Variants in DRAM1 observed in about 807,000 individuals in gnomAD.
The protein encoded by DRAM1 is DNA damage-regulated autophagy modulator protein 1.
In DRAM1, 25 loss-of-function variants were observed where a neutral mutation model predicts 28.5. That is an observed-to-expected ratio of 0.88 (90% CI 0.64 to 1.23). The LOEUF is 1.23. Among genes scored for constraint, DRAM1 ranks in the 50% most tolerant of loss-of-function variants. The pLI, the probability that DRAM1 is intolerant of heterozygous loss-of-function variation, is 0.00. For missense variants in DRAM1, 249 were observed against 299.2 expected (o/e 0.83, Z 1.24); for synonymous variants, 113 against 114.2 (o/e 0.99, Z 0.07).
At chr12:101,882,107 A>ATTTTTTTTTTTTTT (rs78402038) in intron 1 of DRAM1, among the ~76,000 whole-genome samples, 9 of 129,532 alleles carry the variant, frequency 6.9e-5, no homozygotes, top group Non-Finnish European at 8.4e-5. Context: ...TGATGGTCTA[A>ATTTTTTTTTTTTTT]TTTTTTTTTT....
intron 1 of DRAM1, among the ~76,000 whole-genome samples, chr12:101,886,666 G>A (rs1195402662): frequency 6.6e-6 from 1 of 152,090 alleles, no homozygotes; most frequent in Non-Finnish European, 1.5e-5. Flanking sequence ...CTCCTGTGAG[G>A]GCCACTCTGT....
At chr12:101,904,426 GGTTTTTTTTTTTTTTTT>G (rs1339169898) in intron 3 of DRAM1, among the ~76,000 whole-genome samples, 756 of 39,096 alleles carry the variant, frequency 0.019, 47 homozygotes, top group African/African-American at 0.073. Context: ...GAGCTTTAGG[GGTTTTTTTTTTTTTTTT>G]TTTTTTTTTT....
In DRAM1 at chr12:101,906,780, G is replaced by A. The variant is rs138992898; in HGVS notation, c.343-1406G>A. Among the ~76,000 whole-genome samples the A allele has an allele frequency of 1.2e-3, 179 of 151,228 alleles. No homozygotes were observed. In the East Asian group the frequency reaches 0.025, roughly 21 times the overall value. On this transcript the variant is annotated intron_variant, in intron 3 of 6. Coordinates refer to ENST00000258534, the MANE Select transcript of DRAM1 (RefSeq NM_018370.3). The stretch of plus-strand genomic sequence containing the variant: ...TGGGGCATGAGAATCGCTTGAACCC[G>A]GCAGGTGGAGGTTGCAATGAGCTGA...
chr12:101,911,522 C>G (rs1874040043), intron 4 of DRAM1, among the ~76,000 whole-genome samples: 1 of 152,184 alleles, frequency 6.6e-6, no homozygotes, highest in African/African-American at 2.4e-5. Flanking sequence ...GGGCTTCTCC[C>G]TCAGGCTTGG....
chr12:101,888,275 G>A (rs965808332), intron 1 of DRAM1, among the ~76,000 whole-genome samples: 3 of 151,494 alleles, frequency 2.0e-5, no homozygotes, highest in African/African-American at 7.3e-5. Context: ...GATTACAGGC[G>A]TCCGCCACCA....
intron 2 of DRAM1, among the ~76,000 whole-genome samples, chr12:101,899,576 G>T (rs915502701): frequency 6.6e-6 from 1 of 151,550 alleles, no homozygotes; most frequent in East Asian, 1.9e-4. Flanking sequence ...CTACTTGGAA[G>T]GATAAAGTGG....
intron 4 of DRAM1, among the ~76,000 whole-genome samples, chr12:101,909,993 T>G (rs532547278): frequency 6.6e-6 from 1 of 152,300 alleles, no homozygotes; most frequent in African/African-American, 2.4e-5. Flanking sequence ...CGGTATAAAG[T>G]GGGCAAGATG....
In DRAM1 at chr12:101,918,568, C is replaced by T. The variant is rs116174949; in HGVS notation, c.580-1541C>T. On this transcript the variant is annotated intron_variant, in intron 5 of 6. Coordinates refer to ENST00000258534, the MANE Select transcript of DRAM1 (RefSeq NM_018370.3). ...ACGCTCGGAGGGCTTGGTGTGCCTCCACTCGATCTGTCTGGATGAAAACAG... is the reference window on the plus strand; with the variant it reads ...ACGCTCGGAGGGCTTGGTGTGCCTCTACTCGATCTGTCTGGATGAAAACAG... Among the ~76,000 whole-genome samples the T allele has an allele frequency of 4.1e-3, 617 of 152,298 alleles. 4 individuals are homozygous for T. Among genetic ancestry groups the T allele is most frequent in the African/African-American group, 0.014 (587 of 41,564 alleles).
intron 2 of DRAM1, among the ~76,000 whole-genome samples, chr12:101,898,719 C>CT (rs1873481928): frequency 6.6e-6 from 1 of 152,202 alleles, no homozygotes; most frequent in Non-Finnish European, 1.5e-5. Flanking sequence ...AACAAGCACT[C>CT]TAGGGGACTT....
intron 3 of DRAM1, among the ~76,000 whole-genome samples, 157 bp from the exon 4 acceptor site, chr12:101,908,029 T>C (rs1353205345): frequency 6.6e-6 from 1 of 152,168 alleles, no homozygotes; most frequent in African/African-American, 2.4e-5. Context: ...TTTCAGCACC[T>C]GGAGGGCTTT....
intron 1 of DRAM1, among the ~76,000 whole-genome samples, chr12:101,882,507 C>T (rs996980229): frequency 6.6e-6 from 1 of 151,284 alleles, no homozygotes; most frequent in African/African-American, 2.4e-5. Flanking sequence ...GAATCAGCTT[C>T]CTTATCAGAT....
At chr12:101,902,411 A>T (rs1246499561) in intron 3 of DRAM1, among the ~76,000 whole-genome samples, 3 of 152,202 alleles carry the variant, frequency 2.0e-5, no homozygotes, top group Non-Finnish European at 4.4e-5. Flanking sequence ...AGCTATCCTC[A>T]ATGCTAACAT....
intron 4 of DRAM1, among the ~76,000 whole-genome samples, chr12:101,912,326 G>A (rs1000085992): frequency 3.9e-5 from 6 of 152,188 alleles, no homozygotes; most frequent in Non-Finnish European, 1.5e-5. Context: ...ACTGAATGAA[G>A]CTTTCTCCCA....
chr12:101,895,097 C>T (rs1454509925), intron 1 of DRAM1, among the ~76,000 whole-genome samples: 1 of 151,192 alleles, frequency 6.6e-6, no homozygotes, highest in Non-Finnish European at 1.5e-5. Flanking sequence ...GCATTGTGCT[C>T]AGAAGGGCAT....
At chr12:101,887,665 G>A (rs1167980095) in intron 1 of DRAM1, among the ~76,000 whole-genome samples, 5 of 151,402 alleles carry the variant, frequency 3.3e-5, no homozygotes, top group African/African-American at 9.7e-5. Context: ...TGAGTAGCTG[G>A]GACTACAGGC....
intron 5 of DRAM1, 75 bp from the exon 6 acceptor site, chr12:101,920,034 T>C: frequency 9.4e-7 from 1 of 1,063,120 alleles, no homozygotes; most frequent in Non-Finnish European, 1.3e-6. Flanking sequence ...TGGTTGAAAC[T>C]CCTCATTGTA....
chr12:101,886,610 T>A (rs1872895050), intron 1 of DRAM1, among the ~76,000 whole-genome samples: 1 of 152,208 alleles, frequency 6.6e-6, no homozygotes, highest in Non-Finnish European at 1.5e-5. Flanking sequence ...ATGAATTTGT[T>A]CTTTGAAAAA....
chr12:101,901,508 A>C (rs1873604907), intron 3 of DRAM1, 75 bp downstream of exon 3: 2 of 1,524,780 alleles, frequency 1.3e-6, no homozygotes, highest in Non-Finnish European at 1.8e-6. Context: ...GAAATGCAAG[A>C]GGCACACTTA....
chr12:101,902,504 G>A (rs746183102), intron 3 of DRAM1, among the ~76,000 whole-genome samples: 3 of 152,150 alleles, frequency 2.0e-5, no homozygotes, highest in Non-Finnish European at 2.9e-5. Context: ...AATTTAAAAA[G>A]GAAGACCTAG....
Sources: gnomAD v4.1 joint callset for allele counts (sites outside exome capture counted in the v4.1 genomes callset) on GRCh38, gnomAD v4.1.1 for gene constraint, MANE v1.5 for transcripts, NCBI Gene and HGNC (gene_info 2026-07-23, HGNC 2026-07-21) for gene names.